PLEKHS1: variants seen among roughly 807,000 people sequenced by gnomAD.
PLEKHS1 encodes the protein pleckstrin homology domain-containing family S member 1.
In PLEKHS1, 55 loss-of-function variants were observed where a neutral mutation model predicts 51.0. That is an observed-to-expected ratio of 1.08 (90% CI 0.87 to 1.35). The LOEUF is 1.35. PLEKHS1 is among the 40% of genes most tolerant of loss of function. PLEKHS1 has a pLI of 0.00. For missense variants in PLEKHS1, 398 were observed against 423.0 expected (o/e 0.94, Z 0.52); for synonymous variants, 153 against 144.8 (o/e 1.06, Z -0.41).
At chr10:113,755,817 TAGA>T (rs1180593115) in intron 2 of PLEKHS1, among the ~76,000 whole-genome samples, 2 of 152,226 alleles carry the variant, frequency 1.3e-5, no homozygotes, top group Admixed American at 6.5e-5. Context: ...TTTACCTGTC[TAGA>T]AGTTTAGCAT....
chr10:113,774,403 C>A, intron 9 of PLEKHS1, 70 bp downstream of exon 9: 2 of 911,542 alleles, frequency 2.2e-6, no homozygotes, highest in South Asian at 1.7e-5. Context: ...ATTGTCAGTT[C>A]ATTTCAATAG....
chr10:113,772,150 C>A, intron 8 of PLEKHS1, 61 bp downstream of exon 8: 1 of 1,582,956 alleles, frequency 6.3e-7, no homozygotes, highest in South Asian at 1.1e-5. Context: ...GAAACCCTGC[C>A]ATGCACTTTT....
intron 1 of PLEKHS1, among the ~76,000 whole-genome samples, chr10:113,754,628 G>A (rs1854013792): frequency 6.6e-6 from 1 of 152,116 alleles, no homozygotes; most frequent in Non-Finnish European, 1.5e-5. Flanking sequence ...TAGGATTACA[G>A]GTGCCCACCA....
At position 113,765,397 on chromosome 10, in the gene PLEKHS1, A is replaced by G. The variant is rs2419877; in HGVS notation, c.29-1014A>G. On this transcript the variant is annotated intron_variant, in intron 2 of 11. Coordinates refer to ENST00000361048, the Ensembl canonical transcript of PLEKHS1. ...TTTTCCAGTATGGCTGGAGGTAACAAGCACTTTTTCTGAATCTCTGATGTA... is the reference window on the plus strand; with the variant it reads ...TTTTCCAGTATGGCTGGAGGTAACAGGCACTTTTTCTGAATCTCTGATGTA... 1.0e-3 allele frequency: 812 copies of G among 779,444 alleles called. 7 individuals are homozygous for G. The African/African-American group carries it at 0.012, about 12-fold the overall frequency. 48.3% of individuals were successfully genotyped at this position (779,444 alleles called of 1,614,324 possible).
intron 2 of PLEKHS1, among the ~76,000 whole-genome samples, chr10:113,759,845 A>G (rs190705936): frequency 7.4e-4 from 113 of 152,322 alleles, no homozygotes; most frequent in African/African-American, 2.7e-3. Context: ...CAAATTTGTT[A>G]GATTTTTTAA....
At chr10:113,775,988 C>T in intron 11 of PLEKHS1, 122 bp downstream of exon 11, 1 of 641,636 alleles carries the variant, frequency 1.6e-6, no homozygotes, top group Non-Finnish European at 2.5e-6. Context: ...GGAGCTTGGA[C>T]TGTTGACTGG....
chr10:113,777,307 G>A (rs1277219612), intron 11 of PLEKHS1, 48 bp downstream of exon 12: 2 of 1,607,660 alleles, frequency 1.2e-6, no homozygotes, highest in African/African-American at 1.3e-5. Flanking sequence ...GTACCAGAAG[G>A]AAAAAGATCA....
exon 7 of PLEKHS1, chr10:113,769,824 C>T: frequency 1.2e-6 from 2 of 1,614,088 alleles, no homozygotes; most frequent in Non-Finnish European, 1.7e-6. Flanking sequence ...CTCTTCTACT[C>T]CAGCCCTCTC....
intron 1 of PLEKHS1, among the ~76,000 whole-genome samples, chr10:113,754,337 T>C (rs1853997957): frequency 6.6e-6 from 1 of 152,166 alleles, no homozygotes; most frequent in South Asian, 2.1e-4. Flanking sequence ...AAGGTAAAAG[T>C]TAGTCATACC....
At chr10:113,780,053 G>A (rs1411625367) in intron 11 of PLEKHS1, among the ~76,000 whole-genome samples, 1 of 150,282 alleles carries the variant, frequency 6.7e-6, no homozygotes, top group Non-Finnish European at 1.5e-5. Flanking sequence ...GGCCCTTGAT[G>A]TTTTAAAGTG....
At chr10:113,757,044 T>C (rs985824759) in intron 2 of PLEKHS1, among the ~76,000 whole-genome samples, 4 of 151,142 alleles carry the variant, frequency 2.6e-5, no homozygotes, top group African/African-American at 9.7e-5. Flanking sequence ...GCCTCCCGAG[T>C]AGCTAGGAGG....
intron 11 of PLEKHS1, among the ~76,000 whole-genome samples, chr10:113,778,676 C>G (rs1844773461): frequency 7.4e-6 from 1 of 135,414 alleles, no homozygotes; most frequent in Admixed American, 9.2e-5. Context: ...CGGAGTCTCG[C>G]TCTTTCGCCC....
chr10:113,781,734 CA>C (rs1047892311), exon 12 of PLEKHS1: 1 of 76,030 alleles, frequency 1.3e-5, no homozygotes, highest in Non-Finnish European at 3.0e-5. Flanking sequence ...CCTCCTTCCC[CA>C]ACACCTCCTT....
intron 5 of PLEKHS1, among the ~76,000 whole-genome samples, chr10:113,768,129 G>T (rs1156283992): frequency 6.6e-6 from 1 of 151,514 alleles, no homozygotes; most frequent in Non-Finnish European, 1.5e-5. Context: ...CCATGTAAAA[G>T]AACCCAATAC....
chr10:113,777,173 G>T, intron 11 of PLEKHS1: 1 of 1,612,768 alleles, frequency 6.2e-7, no homozygotes, highest in African/African-American at 1.3e-5. Flanking sequence ...ATTTTGCCAC[G>T]GAGATCATCT....
chr10:113,771,859 C>G (rs1844426049), intron 7 of PLEKHS1, 111 bp from the exon 8 acceptor site: 9 of 1,277,082 alleles, frequency 7.0e-6, no homozygotes, highest in Non-Finnish European at 9.5e-6. Flanking sequence ...CTTGGAAGAC[C>G]CTCTGGTCTT....
chr10:113,760,109 G>C (rs1843852979), intron 2 of PLEKHS1, among the ~76,000 whole-genome samples: 1 of 152,122 alleles, frequency 6.6e-6, no homozygotes. Context: ...TAATCATGCA[G>C]TATGAACACT....
intron 11 of PLEKHS1, 71 bp downstream of exon 11, chr10:113,775,937 G>T (rs1232882331): frequency 5.1e-6 from 6 of 1,187,404 alleles, no homozygotes; most frequent in Non-Finnish European, 7.2e-6. Flanking sequence ...ATTACATCTT[G>T]AAACAGTGTA....
intron 1 of PLEKHS1, 98 bp from the exon 2 acceptor site, chr10:113,755,161 C>A: frequency 7.5e-7 from 1 of 1,332,338 alleles, no homozygotes; most frequent in Non-Finnish European, 1.0e-6. Context: ...CAGCAACATT[C>A]GTGAGCACAA....
Sources: allele counts gnomAD v4.1 joint callset (sites outside exome capture counted in the v4.1 genomes callset), GRCh38; gene constraint gnomAD v4.1.1; transcripts MANE v1.5; gene names NCBI Gene and HGNC (gene_info 2026-07-23, HGNC 2026-07-21).